Variants in HYDIN observed in about 807,000 individuals in gnomAD.
HYDIN encodes the protein axonemal central pair apparatus protein HYDIN.
HYDIN carries 132 observed loss-of-function variants against 403.9 expected under a neutral mutation model. That is an observed-to-expected ratio of 0.33 (90% CI 0.28 to 0.38). The LOEUF is 0.38. Among genes scored for constraint, HYDIN ranks in the 10% least tolerant of loss-of-function variants. The probability of loss-of-function intolerance (pLI) is 1.00; values close to 1 mark genes in which losing one functional copy is unlikely to be tolerated. For missense variants in HYDIN, 2,827 were observed against 5,009.5 expected, an observed-to-expected ratio of 0.56 and a Z score of 13.15; for synonymous variants, 1,202 against 1,891.7, an observed-to-expected ratio of 0.64 and a Z score of 9.46.
At chr16:71,023,017 G>T (rs551832159) in intron 21 of HYDIN, among the ~76,000 whole-genome samples, 1 of 151,804 alleles carries the variant, frequency 6.6e-6, no homozygotes, top group Non-Finnish European at 1.5e-5. Context: ...CATATATTAC[G>T]TCTTGCCCAG....
chr16:71,056,686 C>T (rs61484664), intron 18 of HYDIN, among the ~76,000 whole-genome samples: 120 of 152,248 alleles, frequency 7.9e-4, no homozygotes, highest in African/African-American at 2.7e-3. Context: ...CAGAGAATGG[C>T]CCCTCCTGTC....
chr16:70,833,241 G>A (rs2037139572), intron 79 of HYDIN, among the ~76,000 whole-genome samples, 174 bp from the exon 80 acceptor site: 1 of 146,756 alleles, frequency 6.8e-6, no homozygotes, highest in South Asian at 2.1e-4. Context: ...GGGGAATGTG[G>A]GCCAAGGTCA....
Position 70,872,073 on chromosome 16 carries a change from T to A in HYDIN, c.11055A>T (p.Glu3685Asp). ...AAGCAATTGTAGCTGAAACAGGCCA[T>A]TCAAACCGTATCAAGTTCACTTGGC... ...NHSQVNLIRF[E>D]WPVSATIAFS... Residue 3685 changes from glutamate to aspartate, a missense_variant, in exon 65 of 86, where the codon GAA (glutamate) becomes GAT (aspartate). Coordinates refer to ENST00000393567, the MANE Select transcript of HYDIN (RefSeq NM_001270974.2). 2 of 1,565,180 alleles carry A rather than the reference T, an allele frequency of 1.3e-6. No individual in the cohort carries two copies. The highest frequency in any genetic ancestry group is 1.7e-6 in the Non-Finnish European group (2 of 1,159,540).
chr16:70,944,037 A>G, intron 41 of HYDIN, 88 bp from the exon 42 acceptor site: 1 of 961,042 alleles, frequency 1.0e-6, no homozygotes, highest in Non-Finnish European at 1.6e-6. Context: ...CCTTGGGAAG[A>G]TCACATAATC....
At chr16:71,064,955 A>G in intron 15 of HYDIN, 115 bp from the exon 16 acceptor site, 1 of 959,752 alleles carries the variant, frequency 1.0e-6, no homozygotes, top group Non-Finnish European at 1.5e-6. Context: ...TTTCTCTAAT[A>G]ACCACATTAG....
At chr16:71,179,781 T>C (rs1023802445) in intron 3 of HYDIN, among the ~76,000 whole-genome samples, 3 of 152,170 alleles carry the variant, frequency 2.0e-5, no homozygotes, top group Non-Finnish European at 4.4e-5. Flanking sequence ...AAAGTGAATA[T>C]AGCATCATCC....
rs2034941671 is a variant in HYDIN, at chr16:70,802,808, A to T, written c.*4772T>A. 1 of 152,246 alleles carries T rather than the reference A, an allele frequency of 6.6e-6. No individual in the cohort carries two copies. Among genetic ancestry groups the T allele is most frequent in the South Asian group, 2.1e-4 (1 of 4,832 alleles). 9.4% of individuals were successfully genotyped at this position (152,246 alleles called of 1,614,324 possible). ...ATCATGTCTAGAAAAATCCATAAAA[A>T]ATGTATTCTCCTATACAGGTGGGGT... On this transcript the variant is annotated 3_prime_UTR_variant, in exon 86 of 86. Coordinates refer to ENST00000393567, the MANE Select transcript of HYDIN (RefSeq NM_001270974.2).
intron 1 of HYDIN, among the ~76,000 whole-genome samples, chr16:71,218,068 T>C (rs1203564450): frequency 2.6e-5 from 4 of 152,102 alleles, no homozygotes; most frequent in African/African-American, 4.8e-5. Context: ...TAAACAAACA[T>C]CTCATCATTA....
intron 18 of HYDIN, among the ~76,000 whole-genome samples, chr16:71,052,252 A>G (rs6416715): frequency 0.88 from 132,772 of 151,198 alleles, 58,679 homozygotes; most frequent in African/African-American, 0.97. Context: ...TATTGTTATC[A>G]TTAAGCTGTA....
intron 42 of HYDIN, 58 bp downstream of exon 42, chr16:70,943,754 G>T (rs1281569500): frequency 3.9e-5 from 61 of 1,581,454 alleles, no homozygotes; most frequent in Non-Finnish European, 4.9e-5. Context: ...TGTCCAGGGT[G>T]TGGGGATGGT....
rs2080435013 is a variant in HYDIN at position 71,020,306 on chromosome 16, A to G, written c.3198T>C (p.Ser1066=). 4.3e-6 allele frequency: 7 copies of G among 1,613,642 alleles called. No homozygotes were observed. Among genetic ancestry groups the G allele is most frequent in the Non-Finnish European group, 5.9e-6 (7 of 1,179,878 alleles). Residue 1066 remains serine, a synonymous_variant, in exon 22 of 86, where the codon AGT becomes AGC. Coordinates refer to ENST00000393567, the MANE Select transcript of HYDIN (RefSeq NM_001270974.2). ...LIYRLEKKPN[S]ILKPDYQPLA... is the part of the protein sequence containing the mutation. ...AGGGCTGGTAATCAGGTTTCAGGAT[A>G]CTGTTAGGTTTCTGCAAAAACAGAA...
At chr16:71,133,756 TA>T (rs1294973179) in intron 8 of HYDIN, among the ~76,000 whole-genome samples, 3 of 152,052 alleles carry the variant, frequency 2.0e-5, no homozygotes, top group African/African-American at 7.2e-5. Flanking sequence ...CAGAATGTTT[TA>T]AAATCCCTCA....
chr16:70,931,222 T>TTG (rs1461919426), intron 45 of HYDIN, among the ~76,000 whole-genome samples: 1 of 129,658 alleles, frequency 7.7e-6, no homozygotes, highest in Non-Finnish European at 1.7e-5. Context: ...TTTTTTTTTT[T>TTG]TTTTTTTTTT....
chr16:70,923,478 AAAAAAAAAAAAG>A (rs1249975839), intron 45 of HYDIN, among the ~76,000 whole-genome samples: 1 of 107,870 alleles, frequency 9.3e-6, no homozygotes, highest in Non-Finnish European at 2.0e-5. Flanking sequence ...CCAAAAAAAA[AAAAAAAAAAAAG>A]AAAGAAGGAT....
chr16:71,059,730 T>C (rs913617217), intron 18 of HYDIN, among the ~76,000 whole-genome samples: 12 of 152,136 alleles, frequency 7.9e-5, no homozygotes, highest in Admixed American at 1.3e-4. Flanking sequence ...ACCTGTGACA[T>C]ACAATTTACC....
chr16:71,032,270 AATTTTTATTTTTTATTCTTATTT>A (rs1207465780), intron 18 of HYDIN, among the ~76,000 whole-genome samples: 1 of 151,144 alleles, frequency 6.6e-6, no homozygotes, highest in Admixed American at 6.6e-5. Flanking sequence ...TGGAGTTTGA[AATTTTTATTTTTTATTCTTATTT>A]ATTTTTCCTT....
chr16:70,941,283 A>G (rs1212648102), intron 43 of HYDIN: 1 of 165,336 alleles, frequency 6.0e-6, no homozygotes, highest in Non-Finnish European at 1.3e-5. Context: ...CAGCAGGCTA[A>G]GGTGTAAATG....
At chr16:71,037,209 GT>G (rs1277860076) in intron 18 of HYDIN, among the ~76,000 whole-genome samples, 1 of 143,846 alleles carries the variant, frequency 7.0e-6, no homozygotes, top group Non-Finnish European at 1.5e-5. Context: ...GACAGTGCAG[GT>G]AAAATCTCAG....
chr16:71,015,702 G>C (rs972219901), intron 23 of HYDIN, among the ~76,000 whole-genome samples: 13 of 149,420 alleles, frequency 8.7e-5, no homozygotes, highest in Non-Finnish European at 1.8e-4. Flanking sequence ...CGTTACCGTG[G>C]TAACAAGTGC....
Sources: gnomAD v4.1 joint callset for allele counts (sites outside exome capture counted in the v4.1 genomes callset) on GRCh38, gnomAD v4.1.1 for gene constraint, MANE v1.5 for transcripts, NCBI Gene and HGNC (gene_info 2026-07-23, HGNC 2026-07-21) for gene names.